SSBP2: variants seen among roughly 807,000 people sequenced by gnomAD.
SSBP2 encodes single stranded DNA binding protein 2.
Under a neutral mutation model 61.8 loss-of-function variants are expected in SSBP2, and 17 were observed. That is an observed-to-expected ratio of 0.28 (90% CI 0.19 to 0.41). The LOEUF (loss-of-function observed/expected upper bound fraction) is 0.41, where lower values mean the gene tolerates loss of function less well. Among genes scored for constraint, SSBP2 ranks in the 10% least tolerant of loss-of-function variants. SSBP2 has a pLI of 1.00. For missense variants in SSBP2, 310 were observed against 458.7 expected (o/e 0.68, Z 2.96); for synonymous variants, 139 against 141.3 (o/e 0.98, Z 0.12).
chr5:81,721,548 C>A (rs1755544669), intron 1 of SSBP2, among the ~76,000 whole-genome samples: 1 of 152,014 alleles, frequency 6.6e-6, no homozygotes, highest in South Asian at 2.1e-4. Flanking sequence ...TAACAGAAAT[C>A]TAATTCTTTA....
chr5:81,611,965 A>G (rs977843187), intron 4 of SSBP2, among the ~76,000 whole-genome samples: 1 of 152,124 alleles, frequency 6.6e-6, no homozygotes, highest in African/African-American at 2.4e-5. Flanking sequence ...GTGTACTTAA[A>G]AATTTCTTAA....
chr5:81,670,902 A>G (rs1751536203), intron 1 of SSBP2, among the ~76,000 whole-genome samples: 1 of 152,184 alleles, frequency 6.6e-6, no homozygotes, highest in Non-Finnish European at 1.5e-5. Context: ...CTACTTCATC[A>G]GTCATATTTA....
intron 4 of SSBP2, among the ~76,000 whole-genome samples, chr5:81,578,289 C>G (rs1774384093): frequency 6.6e-6 from 1 of 152,016 alleles, no homozygotes; most frequent in Non-Finnish European, 1.5e-5. Context: ...AAGTCCCACA[C>G]TGACAGCACT....
At chr5:81,708,181 C>A (rs550810819) in intron 1 of SSBP2, among the ~76,000 whole-genome samples, 1 of 152,184 alleles carries the variant, frequency 6.6e-6, no homozygotes, top group Admixed American at 6.5e-5. Context: ...CTGGCTAAAT[C>A]TTAAAGATAC....
At chr5:81,458,467 T>C (rs1187155802) in intron 10 of SSBP2, among the ~76,000 whole-genome samples, 1 of 152,186 alleles carries the variant, frequency 6.6e-6, no homozygotes, top group South Asian at 2.1e-4. Flanking sequence ...ACATTAACAA[T>C]TGGGAATCTG....
At chr5:81,716,207 C>CA (rs1007987581) in intron 1 of SSBP2, among the ~76,000 whole-genome samples, 10 of 151,010 alleles carry the variant, frequency 6.6e-5, no homozygotes, top group East Asian at 2.0e-4. Context: ...CAATAAACAC[C>CA]AAAAAAAATC....
intron 13 of SSBP2, 67 bp downstream of exon 13, chr5:81,442,586 C>T (rs926317392): frequency 8.5e-6 from 7 of 823,248 alleles, no homozygotes; most frequent in Non-Finnish European, 1.2e-5. Flanking sequence ...ATATACAGGA[C>T]ATGGAATGCA....
rs1033401310 is a variant in SSBP2 at position 81,416,744 on chromosome 5, G to C, written c.*3760C>G. 6.6e-6 allele frequency: 1 copy of C among 152,180 alleles called. No individual in the cohort carries two copies. The highest frequency in any genetic ancestry group is 2.4e-5 in the African/African-American group (1 of 41,442). 9.4% of individuals were successfully genotyped at this position (152,180 alleles called of 1,614,324 possible). A position where few individuals can be genotyped will look rare whatever the true frequency, so the allele number is the denominator to read the frequency against. The stretch of plus-strand genomic sequence containing the variant: ...TGCAATGGAGTTCAGATATCTTAGA[G>C]AATCATAAAAATAGAAATGGAAGTT... On this transcript the variant is annotated 3_prime_UTR_variant, in exon 17 of 17. Coordinates refer to ENST00000320672, the MANE Select transcript of SSBP2 (RefSeq NM_012446.5).
chr5:81,438,862 TTC>T (rs1406763521), intron 14 of SSBP2, among the ~76,000 whole-genome samples: 1 of 152,234 alleles, frequency 6.6e-6, no homozygotes, highest in Admixed American at 6.5e-5. Context: ...ATGGAAATGT[TTC>T]TCTGTGATGT....
intron 4 of SSBP2, among the ~76,000 whole-genome samples, chr5:81,592,955 C>A (rs1041139540): frequency 2.6e-5 from 4 of 152,180 alleles, no homozygotes; most frequent in African/African-American, 7.2e-5. Flanking sequence ...CAAAGGAACG[C>A]AGCTCCTCAC....
At chr5:81,491,838 A>G (rs1414038089) in intron 5 of SSBP2, among the ~76,000 whole-genome samples, 1 of 152,212 alleles carries the variant, frequency 6.6e-6, no homozygotes, top group Non-Finnish European at 1.5e-5. Flanking sequence ...TAAGATTACT[A>G]TGGTTAAAGT....
chr5:81,547,535 T>C (rs537024345), intron 4 of SSBP2, among the ~76,000 whole-genome samples: 3 of 152,226 alleles, frequency 2.0e-5, no homozygotes, highest in African/African-American at 7.2e-5. Flanking sequence ...GGCACAATCA[T>C]AGCTCACTGC....
intron 4 of SSBP2, among the ~76,000 whole-genome samples, chr5:81,557,666 A>G (rs1476715156): frequency 6.6e-6 from 1 of 152,022 alleles, no homozygotes; most frequent in African/African-American, 2.4e-5. Flanking sequence ...GCATTTTTCC[A>G]TCTCTAAATG....
chr5:81,524,812 T>C (rs993479221), intron 4 of SSBP2, among the ~76,000 whole-genome samples: 3 of 152,032 alleles, frequency 2.0e-5, no homozygotes, highest in Non-Finnish European at 2.9e-5. Flanking sequence ...GGAAGAAGAA[T>C]GGCACACACT....
chr5:81,719,357 G>A, intron 1 of SSBP2, among the ~76,000 whole-genome samples: 1 of 152,194 alleles, frequency 6.6e-6, no homozygotes. Flanking sequence ...GAGGGCTGAT[G>A]ATTAACTTCA....
intron 1 of SSBP2, among the ~76,000 whole-genome samples, chr5:81,726,639 C>T (rs1406599804): frequency 6.6e-6 from 1 of 152,034 alleles, no homozygotes; most frequent in African/African-American, 2.4e-5. Flanking sequence ...TTTATATACC[C>T]CCAATCATCC....
At chr5:81,678,303 G>A (rs1176458092) in intron 1 of SSBP2, among the ~76,000 whole-genome samples, 1 of 152,162 alleles carries the variant, frequency 6.6e-6, no homozygotes, top group Admixed American at 6.5e-5. Context: ...TAGACTAGAT[G>A]TGGCTGAAGG....
intron 10 of SSBP2, among the ~76,000 whole-genome samples, chr5:81,453,229 T>C (rs1447913311): frequency 2.0e-5 from 3 of 151,562 alleles, no homozygotes; most frequent in Non-Finnish European, 4.4e-5. Flanking sequence ...GCACAGGAGG[T>C]GGAGGTTGCA....
At chr5:81,673,157 A>G (rs1462392086) in intron 1 of SSBP2, among the ~76,000 whole-genome samples, 2 of 152,152 alleles carry the variant, frequency 1.3e-5, no homozygotes, top group Non-Finnish European at 2.9e-5. Context: ...TTTACTTTCT[A>G]ATCACTTGCA....
Sources: allele counts gnomAD v4.1 joint callset (sites outside exome capture counted in the v4.1 genomes callset), GRCh38; gene constraint gnomAD v4.1.1; transcripts MANE v1.5; gene names NCBI Gene and HGNC (gene_info 2026-07-23, HGNC 2026-07-21).